Variants in NPAS3 observed in about 807,000 individuals in gnomAD.
NPAS3 encodes the protein neuronal PAS domain protein 3.
Under a neutral mutation model 73.1 loss-of-function variants are expected in NPAS3, and 14 were observed. The observed-to-expected ratio is 0.19, with a 90% CI of 0.13 to 0.30. The LOEUF (loss-of-function observed/expected upper bound fraction) is 0.30, where lower values mean the gene tolerates loss of function less well. Ranked by LOEUF, NPAS3 falls within the 10% of genes least tolerant of loss-of-function variation. The probability of loss-of-function intolerance (pLI) is 1.00; values close to 1 mark genes in which losing one functional copy is unlikely to be tolerated. For missense variants in NPAS3, 1,096 were observed against 1,250.0 expected (o/e 0.88, Z 1.86); for synonymous variants, 620 against 541.5 (o/e 1.14, Z -2.01).
intron 7 of NPAS3, among the ~76,000 whole-genome samples, chr14:33,772,957 G>T (rs1330956464): frequency 6.6e-6 from 1 of 152,170 alleles, no homozygotes; most frequent in Non-Finnish European, 1.5e-5. Context: ...GCGCCGACGT[G>T]AAGGGTGACA....
intron 2 of NPAS3, among the ~76,000 whole-genome samples, chr14:33,156,413 C>G (rs532681440): frequency 1.3e-5 from 2 of 152,308 alleles, no homozygotes; most frequent in South Asian, 4.1e-4. Flanking sequence ...AGGCTGCTGA[C>G]ATTACCAGTA....
intron 4 of NPAS3, among the ~76,000 whole-genome samples, chr14:33,512,837 C>T (rs1367067558): frequency 6.6e-6 from 1 of 151,978 alleles, no homozygotes; most frequent in African/African-American, 2.4e-5. Context: ...TCTTATTTTA[C>T]AGATGAGAGA....
chr14:33,012,789 A>G (rs1018082643), intron 1 of NPAS3, among the ~76,000 whole-genome samples: 10 of 152,116 alleles, frequency 6.6e-5, no homozygotes, highest in Admixed American at 1.3e-4. Context: ...AGCTCAGGCA[A>G]TCCACCCGCT....
intron 9 of NPAS3, among the ~76,000 whole-genome samples, chr14:33,780,127 T>A (rs747379415): frequency 5.3e-5 from 8 of 152,192 alleles, no homozygotes; most frequent in Non-Finnish European, 8.8e-5. Context: ...AATCTGTATA[T>A]ACCACGTCTC....
At chr14:33,452,510 T>G (rs1011643021) in intron 4 of NPAS3, among the ~76,000 whole-genome samples, 15 of 152,224 alleles carry the variant, frequency 9.9e-5, no homozygotes, top group Admixed American at 7.9e-4. Context: ...TGTTGGCTCA[T>G]GCCTGTAATC....
chr14:33,167,925 T>C (rs964857749), intron 2 of NPAS3, among the ~76,000 whole-genome samples: 5 of 152,362 alleles, frequency 3.3e-5, no homozygotes, highest in Non-Finnish European at 7.3e-5. Flanking sequence ...GAAAATTCCA[T>C]GCCCTGGGAG....
intron 4 of NPAS3, among the ~76,000 whole-genome samples, chr14:33,536,004 G>A (rs145539087): frequency 3.3e-5 from 5 of 152,098 alleles, no homozygotes; most frequent in East Asian, 3.9e-4. Flanking sequence ...GAGTAAAACC[G>A]CTGGAGAGAG....
intron 7 of NPAS3, among the ~76,000 whole-genome samples, chr14:33,759,829 T>C (rs1020738134): frequency 2.0e-5 from 3 of 152,188 alleles, no homozygotes; most frequent in Non-Finnish European, 4.4e-5. Flanking sequence ...AAATCAAAGA[T>C]CGCAACATGC....
At chr14:33,150,619 C>A (rs2139238233) in intron 2 of NPAS3, among the ~76,000 whole-genome samples, 1 of 152,126 alleles carries the variant, frequency 6.6e-6, no homozygotes, top group African/African-American at 2.4e-5. Flanking sequence ...TGCTTTAATT[C>A]TCAGGTGCTC....
Position 33,636,401 on chromosome 14 carries a change from T to A in NPAS3, c.559-39810T>A, listed in dbSNP as rs1424566673. ...CTCCAGTCTATGTATCAATAACTGCTATGCACAGCTATAGCGGTTTTCTTT... is the reference window on the plus strand; with the variant it reads ...CTCCAGTCTATGTATCAATAACTGCAATGCACAGCTATAGCGGTTTTCTTT... On this transcript the variant is annotated intron_variant, in intron 5 of 11. Coordinates refer to ENST00000356141, the Ensembl canonical transcript of NPAS3. Among the ~76,000 whole-genome samples, 24 of 152,216 alleles carry A rather than the reference T, an allele frequency of 1.6e-4. 1 individual carries two copies. The highest frequency in any genetic ancestry group is 1.6e-3 in the Admixed American group (24 of 15,282).
intron 4 of NPAS3, among the ~76,000 whole-genome samples, chr14:33,490,297 A>G (rs1236158635): frequency 2.0e-5 from 3 of 152,176 alleles, no homozygotes; most frequent in Non-Finnish European, 4.4e-5. Flanking sequence ...CTAAATAATT[A>G]CCTTATGACA....
intron 1 of NPAS3, among the ~76,000 whole-genome samples, chr14:33,018,865 T>C (rs2039488325): frequency 6.6e-6 from 1 of 152,174 alleles, no homozygotes; most frequent in South Asian, 2.1e-4. Context: ...GAAGGTGACA[T>C]TTCTTTGACG....
At chr14:32,990,795 C>T (rs923855199) in intron 1 of NPAS3, among the ~76,000 whole-genome samples, 32 of 151,930 alleles carry the variant, frequency 2.1e-4, no homozygotes, top group African/African-American at 6.5e-4. Context: ...GGCATGGTAG[C>T]GCACGCCGGT....
intron 4 of NPAS3, among the ~76,000 whole-genome samples, chr14:33,439,371 C>A (rs2049134081): frequency 6.6e-6 from 1 of 152,104 alleles, no homozygotes; most frequent in African/African-American, 2.4e-5. Context: ...GTGGTTATAC[C>A]TTGAAATTCA....
upstream of NPAS3, among the ~76,000 whole-genome samples, chr14:32,938,496 A>AGAGAGAGAGAGAGAGG: frequency 9.4e-6 from 1 of 105,998 alleles, no homozygotes; most frequent in Non-Finnish European, 2.0e-5. Flanking sequence ...TGAGAGAGAG[A>AGAGAGAGAGAGAGAGG]GAGAGAGAGA....
chr14:33,781,759 G>GT lies in NPAS3; in HGVS notation c.1153+3194dup, dbSNP rs535541914. 2.1e-3 allele frequency among the ~76,000 whole-genome samples: 327 copies of GT among 152,108 alleles called. 5 individuals carry two copies. The highest frequency in any genetic ancestry group is 9.5e-3 in the East Asian group (49 of 5,178). Reference sequence around the variant, plus strand: ...GTCTTATGCCCCAGTTTGATAAAGCGTTTTTTTAAAAGACTTAATAGTCTT... The same window carrying GT: ...GTCTTATGCCCCAGTTTGATAAAGCGTTTTTTTTAAAAGACTTAATAGTCTT... On this transcript the variant is annotated intron_variant, in intron 9 of 11. Coordinates refer to ENST00000356141, the Ensembl canonical transcript of NPAS3.
At chr14:33,369,349 A>G (rs1314497002) in intron 4 of NPAS3, among the ~76,000 whole-genome samples, 1 of 150,002 alleles carries the variant, frequency 6.7e-6, no homozygotes, top group African/African-American at 2.5e-5. Context: ...AGTTTGGAAA[A>G]CATGACTTAA....
chr14:33,447,616 G>C (rs1373437474), intron 4 of NPAS3, among the ~76,000 whole-genome samples: 1 of 152,152 alleles, frequency 6.6e-6, no homozygotes, highest in Non-Finnish European at 1.5e-5. Flanking sequence ...GTAGCAGCAG[G>C]GGTGAGAACA....
chr14:33,717,230 CAAAA>C (rs35800734), intron 6 of NPAS3, among the ~76,000 whole-genome samples: 1 of 102,208 alleles, frequency 9.8e-6, no homozygotes, highest in African/African-American at 3.7e-5. Context: ...TGATCATGGC[CAAAA>C]AAAAAAAAAA....
Sources: allele counts gnomAD v4.1 joint callset (sites outside exome capture counted in the v4.1 genomes callset), GRCh38; gene constraint gnomAD v4.1.1; transcripts MANE v1.5; gene names NCBI Gene and HGNC (gene_info 2026-07-23, HGNC 2026-07-21).